CA5A: variants seen among roughly 807,000 people sequenced by gnomAD.
CA5A encodes the protein carbonic anhydrase 5A, mitochondrial.
A neutral mutation model predicts 37.1 loss-of-function variants in CA5A; 28 were observed. The observed-to-expected ratio is 0.75, with a 90% CI of 0.56 to 1.03. CA5A has a LOEUF of 1.03. Among genes scored for constraint, CA5A ranks in the 50% least tolerant of loss-of-function variants. The pLI, the probability that CA5A is intolerant of heterozygous loss-of-function variation, is 0.00. For missense variants in CA5A, 444 were observed against 399.9 expected (o/e 1.11, Z -0.94); for synonymous variants, 171 against 158.4 (o/e 1.08, Z -0.60).
chr16:87,913,965 C>T (rs541668692), intron 2 of CA5A, among the ~76,000 whole-genome samples: 180 of 152,322 alleles, frequency 1.2e-3, no homozygotes, highest in Non-Finnish European at 1.9e-3. Flanking sequence ...GCGTGGGGAG[C>T]GGCGGCAGCG....
rs371934220 is a variant in CA5A at position 87,929,999 on chromosome 16, C to A, written c.143-3054G>T. On this transcript the variant is annotated intron_variant, in intron 1 of 6. Transcript: ENST00000649794. ...CTAAAATCGCATCTTTTCTACTCGT[C>A]AGTGTTAAAAAGCCCTATGGGAGAT... 2.0e-5 allele frequency among the ~76,000 whole-genome samples: 3 copies of A among 151,612 alleles called. No homozygotes were observed. In the East Asian group the frequency reaches 5.8e-4, roughly 29 times the overall value.
intron 1 of CA5A, among the ~76,000 whole-genome samples, chr16:87,928,224 T>G: frequency 6.6e-6 from 1 of 152,134 alleles, no homozygotes; most frequent in East Asian, 1.9e-4. Flanking sequence ...GGCTGGAGTG[T>G]AGTGGTGTCA....
chr16:87,901,138 G>A (rs1473873987), intron 5 of CA5A, among the ~76,000 whole-genome samples: 1 of 152,212 alleles, frequency 6.6e-6, no homozygotes, highest in Non-Finnish European at 1.5e-5. Context: ...GCTGAGGCAA[G>A]AGAATTGCTT....
intron 2 of CA5A, chr16:87,924,064 G>A (rs1331118424): frequency 2.0e-6 from 2 of 985,328 alleles, no homozygotes; most frequent in Non-Finnish European, 1.2e-6. Context: ...ATTGGCAACT[G>A]AATAAATGAA....
chr16:87,897,203 T>C (rs2055815828), intron 5 of CA5A, among the ~76,000 whole-genome samples: 1 of 152,242 alleles, frequency 6.6e-6, no homozygotes, highest in Admixed American at 6.5e-5. Context: ...CCTGGTGGGC[T>C]GTTTCCACCT....
chr16:87,915,302 G>A (rs538107866), intron 2 of CA5A, among the ~76,000 whole-genome samples: 3 of 152,068 alleles, frequency 2.0e-5, no homozygotes, highest in African/African-American at 7.2e-5. Context: ...GCCCAAACTG[G>A]ATTTATAAAC....
At chr16:87,902,664 T>C in intron 3 of CA5A, 144 bp from the exon 4 acceptor site, 1 of 599,726 alleles carries the variant, frequency 1.7e-6, no homozygotes, top group East Asian at 3.1e-5. Flanking sequence ...CCCAGCACTT[T>C]GGGAGGCGGA....
chr16:87,915,974 C>A (rs541233890), intron 2 of CA5A, among the ~76,000 whole-genome samples: 1 of 151,854 alleles, frequency 6.6e-6, no homozygotes, highest in Non-Finnish European at 1.5e-5. Flanking sequence ...GCTGGGGAGG[C>A]CTCGCAATCA....
At position 87,889,977 on chromosome 16, in the gene CA5A, C is replaced by T. The variant is rs575185816; in HGVS notation, c.775-1705G>A. Among the ~76,000 whole-genome samples the T allele has an allele frequency of 5.9e-5, 9 of 152,304 alleles. No homozygotes were observed. In the South Asian group the frequency reaches 8.3e-4, roughly 14 times the overall value. Reference sequence around the variant, plus strand: ...CCCCTAGAGTTGCGCGCATGGTGCACGTGGCCTCCTGGGCCGTGACCACGG... The same window carrying T: ...CCCCTAGAGTTGCGCGCATGGTGCATGTGGCCTCCTGGGCCGTGACCACGG... On this transcript the variant is annotated intron_variant, in intron 6 of 6. Transcript: ENST00000649794.
At chr16:87,934,645 G>A (rs1271131174) in intron 1 of CA5A, among the ~76,000 whole-genome samples, 31 of 152,096 alleles carry the variant, frequency 2.0e-4, no homozygotes, top group Non-Finnish European at 2.9e-5. Context: ...GCAGGCTAGC[G>A]CTCTTGACGG....
At chr16:87,927,171 G>A (rs991068158) in intron 1 of CA5A, among the ~76,000 whole-genome samples, 4 of 152,228 alleles carry the variant, frequency 2.6e-5, no homozygotes, top group Non-Finnish European at 2.9e-5. Flanking sequence ...TTTCCCACCC[G>A]GAAGCAACTC....
intron 1 of CA5A, among the ~76,000 whole-genome samples, chr16:87,931,189 G>A (rs1173728905): frequency 2.0e-5 from 3 of 148,922 alleles, no homozygotes; most frequent in East Asian, 2.0e-4. Context: ...TCAGTTCACT[G>A]CAACCTCCGC....
intron 2 of CA5A, chr16:87,923,832 A>G: frequency 2.0e-6 from 2 of 984,860 alleles, no homozygotes; most frequent in Non-Finnish European, 2.4e-6. Context: ...ATAGCAACTC[A>G]TCTGTATCCA....
rs1468686222 is a variant in CA5A, at chr16:87,888,187, A to C, written c.860T>G (p.Leu287Trp). ...MVNNYRPLQP[L>W]MNRKVWASFQ... The stretch of plus-strand genomic sequence containing the variant: ...GGACGCCCAGACCTTCCGGTTCATC[A>C]AGGGTTGAAGTGGGCGATAGTTGTT... Residue 287 changes from leucine (L) to tryptophan (W), a missense_variant, in exon 7 of 7, where the codon TTG (leucine) becomes TGG (tryptophan). Leu to Trp is a moderately conservative substitution (Grantham distance 61). Transcript: ENST00000649794. 1 of 1,613,932 alleles carries C rather than the reference A, an allele frequency of 6.2e-7. No homozygotes were observed. The highest frequency in any genetic ancestry group is 1.7e-5 in the Admixed American group (1 of 60,014).
At chr16:87,918,639 G>A (rs888514954) in intron 2 of CA5A, among the ~76,000 whole-genome samples, 16 of 152,326 alleles carry the variant, frequency 1.1e-4, no homozygotes, top group African/African-American at 1.9e-4. Context: ...GAGCCTGTCC[G>A]TGTGCAGTTC....
chr16:87,892,081 G>A, intron 5 of CA5A, 127 bp from the exon 6 acceptor site: 1 of 786,614 alleles, frequency 1.3e-6, no homozygotes, highest in Non-Finnish European at 1.9e-6. Context: ...AGGCCATGAG[G>A]CCACTGCTGT....
intron 2 of CA5A, among the ~76,000 whole-genome samples, chr16:87,905,860 G>T (rs2055953528): frequency 6.6e-6 from 1 of 152,206 alleles, no homozygotes; most frequent in African/African-American, 2.4e-5. Flanking sequence ...ACAGTGCCAG[G>T]TGCAGCCTCC....
In CA5A at chr16:87,893,125, C is replaced by CCTTTCTTT. The variant is rs555248928; in HGVS notation, c.619-1179_619-1172dup. On this transcript the variant is annotated intron_variant, in intron 5 of 6. Coordinates refer to ENST00000649794, the MANE Select transcript of CA5A (RefSeq NM_001739.2). Reference sequence around the variant, plus strand: ...GCCTAGAGACATTTCTTTCTTTCTTCCTTTCTTTCTTTCTTTCTTTCTTTT... The same window carrying CCTTTCTTT: ...GCCTAGAGACATTTCTTTCTTTCTTCCTTTCTTTCTTTCTTTCTTTCTTTCTTTCTTTT... 345 of 523,254 alleles carry CCTTTCTTT rather than the reference C, an allele frequency of 6.6e-4. 1 individual carries two copies. The highest frequency in any genetic ancestry group is 6.5e-3 in the African/African-American group (319 of 49,144). 32.4% of individuals were successfully genotyped at this position (523,254 alleles called of 1,614,324 possible).
chr16:87,914,992 G>A (rs1180471411), intron 2 of CA5A, among the ~76,000 whole-genome samples: 1 of 152,238 alleles, frequency 6.6e-6, no homozygotes, highest in Admixed American at 6.5e-5. Flanking sequence ...CGGGTGAGGG[G>A]TGTGAGCGAT....
Sources: gnomAD v4.1 joint callset for allele counts (sites outside exome capture counted in the v4.1 genomes callset) on GRCh38, gnomAD v4.1.1 for gene constraint, MANE v1.5 for transcripts, NCBI Gene and HGNC (gene_info 2026-07-23, HGNC 2026-07-21) for gene names.